Variants in SLC25A21 observed in about 807,000 individuals in gnomAD.
SLC25A21 encodes the protein mitochondrial 2-oxodicarboxylate carrier.
Under a neutral mutation model 43.8 loss-of-function variants are expected in SLC25A21, and 47 were observed. That is an observed-to-expected ratio of 1.07 (90% CI 0.85 to 1.37). SLC25A21 has a LOEUF of 1.37. Among genes scored for constraint, SLC25A21 ranks in the 40% most tolerant of loss-of-function variants. The pLI is 0.00. For missense variants in SLC25A21, 352 were observed against 350.2 expected, an observed-to-expected ratio of 1.00 and a Z score of -0.04; for synonymous variants, 131 against 121.3, an observed-to-expected ratio of 1.08 and a Z score of -0.52.
chr14:37,171,722 G>A (rs1029911588), intron 1 of SLC25A21, among the ~76,000 whole-genome samples: 1 of 152,040 alleles, frequency 6.6e-6, no homozygotes, highest in African/African-American at 2.4e-5. Flanking sequence ...ATTAACGTGA[G>A]CCCATTATAT....
At chr14:36,786,832 G>C (rs1004692216) in intron 3 of SLC25A21, among the ~76,000 whole-genome samples, 1 of 152,170 alleles carries the variant, frequency 6.6e-6, no homozygotes, top group African/African-American at 2.4e-5. Flanking sequence ...CTGCAACCCA[G>C]GCCCCAGCCT....
Position 36,810,721 on chromosome 14 carries a change from T to C in SLC25A21, c.203+3197A>G, listed in dbSNP as rs527505877. On this transcript the variant is annotated intron_variant, in intron 3 of 9. Transcript: ENST00000331299. ...TCATTTGTTTAGCATACTTACTGAG[T>C]GTCTCTACTCAGTGCCAGACACAAG... is the stretch of plus-strand genomic sequence containing the variant. 1.2e-4 allele frequency among the ~76,000 whole-genome samples: 19 copies of C among 152,284 alleles called. No individual in the cohort carries two copies. The South Asian group carries it at 3.9e-3, about 32-fold the overall frequency.
chr14:36,689,928 G>A (rs1033813449), intron 7 of SLC25A21, among the ~76,000 whole-genome samples: 8 of 152,184 alleles, frequency 5.3e-5, no homozygotes, highest in African/African-American at 1.9e-4. Flanking sequence ...GACCCTAAGG[G>A]GCTCTGGCTG....
chr14:37,129,504 A>G (rs1184728864), intron 1 of SLC25A21, among the ~76,000 whole-genome samples: 2 of 152,156 alleles, frequency 1.3e-5, no homozygotes, highest in African/African-American at 4.8e-5. Context: ...CATGAAGCGC[A>G]TTTCATACCA....
At chr14:37,165,644 G>A (rs1964017960) in intron 1 of SLC25A21, among the ~76,000 whole-genome samples, 1 of 152,130 alleles carries the variant, frequency 6.6e-6, no homozygotes, top group Non-Finnish European at 1.5e-5. Flanking sequence ...GTGACCTCAG[G>A]AGGAAGCCTG....
chr14:36,915,199 G>C (rs1891797869), intron 1 of SLC25A21, among the ~76,000 whole-genome samples: 1 of 152,006 alleles, frequency 6.6e-6, no homozygotes, highest in African/African-American at 2.4e-5. Flanking sequence ...AGCCTTCCTA[G>C]TATTTTTCAC....
Position 36,678,560 on chromosome 14 carries a change from C to A in SLC25A21, c.*2098G>T. The A allele has an allele frequency of 6.5e-7, 1 of 1,535,598 alleles. No individual in the cohort carries two copies. The highest frequency in any genetic ancestry group is 1.2e-5 in the South Asian group (1 of 83,796). The stretch of plus-strand genomic sequence containing the variant: ...ATTTTGGTGGAGACTTCTTTAAAAC[C>A]ATACCATACAGGGACTCTCCTGTCA... On this transcript the variant is annotated 3_prime_UTR_variant, in exon 10 of 10. Transcript: ENST00000331299.
chr14:36,929,689 T>C (rs1165326075), intron 1 of SLC25A21, among the ~76,000 whole-genome samples: 2 of 152,126 alleles, frequency 1.3e-5, no homozygotes, highest in South Asian at 2.1e-4. Context: ...AGTGGTCCTA[T>C]AATTATTGAG....
At chr14:36,742,090 C>T (rs1179798380) in intron 3 of SLC25A21, among the ~76,000 whole-genome samples, 2 of 152,182 alleles carry the variant, frequency 1.3e-5, no homozygotes, top group African/African-American at 4.8e-5. Context: ...CTTGAGTCAT[C>T]TGTTCTGGCA....
At chr14:36,841,591 C>T (rs79713567) in intron 2 of SLC25A21, among the ~76,000 whole-genome samples, 4,812 of 152,322 alleles carry the variant, frequency 0.032, 113 homozygotes, top group Non-Finnish European at 0.05. Context: ...ACAGGATCTG[C>T]ATTAATTCAC....
At chr14:36,692,772 C>T (rs1882845416) in intron 7 of SLC25A21, among the ~76,000 whole-genome samples, 1 of 152,214 alleles carries the variant, frequency 6.6e-6, no homozygotes, top group Admixed American at 6.5e-5. Context: ...GAGTAGAGGA[C>T]AGCAATAGGG....
At chr14:37,089,299 A>G (rs1962540667) in intron 1 of SLC25A21, among the ~76,000 whole-genome samples, 1 of 152,212 alleles carries the variant, frequency 6.6e-6, no homozygotes, top group African/African-American at 2.4e-5. Context: ...TATTTTCTAC[A>G]GTCTTATGAA....
chr14:36,942,829 C>G (rs1414228623), intron 1 of SLC25A21, among the ~76,000 whole-genome samples: 1 of 152,184 alleles, frequency 6.6e-6, no homozygotes, highest in Non-Finnish European at 1.5e-5. Flanking sequence ...AGTACTTATA[C>G]TACTTATACA....
chr14:37,057,188 CCTAA>C (rs1440960632), intron 1 of SLC25A21, among the ~76,000 whole-genome samples: 2 of 152,114 alleles, frequency 1.3e-5, no homozygotes, highest in Admixed American at 1.3e-4. Flanking sequence ...TCACCAGCTC[CCTAA>C]CTATTTTTAG....
intron 1 of SLC25A21, among the ~76,000 whole-genome samples, chr14:37,001,356 T>C (rs1346035581): frequency 2.0e-5 from 3 of 152,134 alleles, no homozygotes; most frequent in Non-Finnish European, 4.4e-5. Flanking sequence ...ATCAATTCAC[T>C]TTATCAGTGA....
chr14:36,738,016 C>A (rs990345579), intron 3 of SLC25A21, among the ~76,000 whole-genome samples: 1 of 152,184 alleles, frequency 6.6e-6, no homozygotes, highest in Non-Finnish European at 1.5e-5. Flanking sequence ...TTGCATTCAT[C>A]ATTTATAACC....
intron 1 of SLC25A21, among the ~76,000 whole-genome samples, chr14:37,104,581 C>T (rs1054186207): frequency 4.6e-5 from 7 of 152,060 alleles, no homozygotes; most frequent in Admixed American, 1.3e-4. Flanking sequence ...TACTATGGCC[C>T]GTGGCACAAA....
chr14:37,166,419 C>T (rs1964031220), intron 1 of SLC25A21, among the ~76,000 whole-genome samples: 1 of 152,204 alleles, frequency 6.6e-6, no homozygotes, highest in Non-Finnish European at 1.5e-5. Flanking sequence ...TAAGAGTAGA[C>T]TTGACTTCGT....
Position 36,781,364 on chromosome 14 carries a change from C to T in SLC25A21, c.203+32554G>A, listed in dbSNP as rs148480478. Reference sequence around the variant, plus strand: ...ATTGATAGGAAAGAACTTACTACTGCCATTTTGTTGTTTTCTGACTATACT... The same window carrying T: ...ATTGATAGGAAAGAACTTACTACTGTCATTTTGTTGTTTTCTGACTATACT... On this transcript the variant is annotated intron_variant, in intron 3 of 9. Transcript: ENST00000331299. 7.3e-4 allele frequency among the ~76,000 whole-genome samples: 111 copies of T among 152,132 alleles called. 2 individuals are homozygous for T. The East Asian group carries it at 0.019, about 26-fold the overall frequency.
Sources: allele counts gnomAD v4.1 joint callset (sites outside exome capture counted in the v4.1 genomes callset), GRCh38; gene constraint gnomAD v4.1.1; transcripts MANE v1.5; gene names NCBI Gene and HGNC (gene_info 2026-07-23, HGNC 2026-07-21).